The following NHSL1 variants were observed in gnomAD, a reference collection of about 807,000 sequenced individuals.
NHSL1 encodes the protein NHS like 1.
Under a neutral mutation model 95.0 loss-of-function variants are expected in NHSL1, and 48 were observed. The ratio of observed to expected loss-of-function variants is 0.51; its 90% CI spans 0.40 to 0.64. The LOEUF (loss-of-function observed/expected upper bound fraction) is 0.64. Ranked by LOEUF, NHSL1 falls within the 30% of genes least tolerant of loss-of-function variation. NHSL1 has a pLI of 0.00. For synonymous variants in NHSL1, 783 were observed against 833.9 expected, an observed-to-expected ratio of 0.94 and a Z score of 1.05; for missense variants, 1,971 against 2,077.7, an observed-to-expected ratio of 0.95 and a Z score of 1.00.
At chr6:138,454,482 T>G (rs1182484490) in intron 3 of NHSL1, among the ~76,000 whole-genome samples, 3 of 152,172 alleles carry the variant, frequency 2.0e-5, no homozygotes, top group Non-Finnish European at 4.4e-5. Context: ...GCAAAGGCTC[T>G]ACTCCCCATA....
chr6:138,500,645 T>A (rs1319481684), upstream of NHSL1, among the ~76,000 whole-genome samples: 2 of 151,936 alleles, frequency 1.3e-5, no homozygotes, highest in African/African-American at 2.4e-5. Flanking sequence ...AGAATAAAAT[T>A]TATATAAGGG....
chr6:138,464,015 G>T (rs1778173891), intron 3 of NHSL1: 2 of 330,980 alleles, frequency 6.0e-6, no homozygotes, highest in South Asian at 9.3e-5. Context: ...TTAGAACAAT[G>T]CTTGGCATAT....
chr6:138,636,465 G>T (rs1445429907), intron 1 of NHSL1, among the ~76,000 whole-genome samples: 1 of 152,156 alleles, frequency 6.6e-6, no homozygotes, highest in Non-Finnish European at 1.5e-5. Context: ...TGGAAAGGAA[G>T]AAGTCAAATT....
At chr6:138,552,291 C>T (rs1370451712) in intron 1 of NHSL1, among the ~76,000 whole-genome samples, 4 of 151,990 alleles carry the variant, frequency 2.6e-5, no homozygotes, top group African/African-American at 4.8e-5. Flanking sequence ...TAGTGGTGCA[C>T]GCCTCTAAGT....
intron 5 of NHSL1, among the ~76,000 whole-genome samples, chr6:138,437,341 T>TACAC (rs1554222002): frequency 4.0e-5 from 1 of 24,710 alleles, no homozygotes; most frequent in African/African-American, 1.6e-4. Context: ...TATATATATA[T>TACAC]ACACATATAT....
chr6:138,533,450 A>T (rs1660531403), intron 1 of NHSL1, among the ~76,000 whole-genome samples: 1 of 152,132 alleles, frequency 6.6e-6, no homozygotes, highest in Non-Finnish European at 1.5e-5. Flanking sequence ...CGGGAGGCTG[A>T]GGCAGGGTAA....
chr6:138,454,642 GTATACTTTAA>G lies in NHSL1; in HGVS notation c.340-7459_340-7450del, dbSNP rs558134107. Among the ~76,000 whole-genome samples the G allele has an allele frequency of 1.8e-3, 269 of 152,228 alleles. 3 individuals are homozygous for G. The highest frequency in any genetic ancestry group is 4.9e-3 in the Admixed American group (75 of 15,296). On this transcript the variant is annotated intron_variant, in intron 3 of 7. Transcript: ENST00000343505. ...TACATATGTCAAAATTTATTAAGTT[GTATACTTTAA>G]ATATGTATAGATTATTTTATGTAAG...
rs983633936 is a variant in NHSL1, at chr6:138,540,064, T to C, written c.16+5559A>G. 3.9e-5 allele frequency among the ~76,000 whole-genome samples: 6 copies of C among 152,234 alleles called. No individual in the cohort carries two copies. The East Asian group carries it at 9.6e-4, about 24-fold the overall frequency. ...TTTCCCCACCAGTTTGAAAAATGCA[T>C]GTTATTACCACTGTGTTTATTAAAA... is the stretch of plus-strand genomic sequence containing the variant. On this transcript the variant is annotated intron_variant, in intron 1 of 4. Transcript: ENST00000342260.
chr6:138,456,670 G>T (rs373133090), intron 3 of NHSL1, among the ~76,000 whole-genome samples: 1 of 152,094 alleles, frequency 6.6e-6, no homozygotes, highest in Non-Finnish European at 1.5e-5. Context: ...TATAACTTCC[G>T]ATAATGGCAG....
chr6:138,557,393 A>G (rs1783232243), intron 1 of NHSL1, among the ~76,000 whole-genome samples: 1 of 152,128 alleles, frequency 6.6e-6, no homozygotes, highest in Non-Finnish European at 1.5e-5. Flanking sequence ...GTTGCAATAC[A>G]CTGGGTTACC....
chr6:138,520,293 T>G (rs1781624717), intron 1 of NHSL1, among the ~76,000 whole-genome samples: 1 of 135,744 alleles, frequency 7.4e-6, no homozygotes, highest in Non-Finnish European at 1.6e-5. Context: ...TTTTTTTTTT[T>G]TTTTTTTTTT....
intron 1 of NHSL1, among the ~76,000 whole-genome samples, chr6:138,582,596 C>T (rs755647106): frequency 7.9e-5 from 12 of 152,138 alleles, no homozygotes; most frequent in South Asian, 2.1e-4. Context: ...GCTGAGCATC[C>T]GCCCAACCCC....
intron 1 of NHSL1, among the ~76,000 whole-genome samples, chr6:138,657,795 A>G (rs1785175747): frequency 7.0e-6 from 1 of 143,652 alleles, no homozygotes; most frequent in African/African-American, 2.6e-5. Context: ...AGCCTGGGCG[A>G]CAGAGCGAGA....
At chr6:138,526,676 C>T (rs916578265) in intron 1 of NHSL1, among the ~76,000 whole-genome samples, 3 of 152,012 alleles carry the variant, frequency 2.0e-5, no homozygotes, top group Admixed American at 6.6e-5. Flanking sequence ...TACTTTACCT[C>T]GAGTTGCGTG....
intron 3 of NHSL1, chr6:138,464,096 G>A (rs1055167514): frequency 1.5e-5 from 7 of 474,630 alleles, no homozygotes; most frequent in African/African-American, 4.0e-5. Flanking sequence ...CGCGCACGAG[G>A]TCAGGTGTTC....
chr6:138,653,230 T>C (rs1228315156), intron 1 of NHSL1, among the ~76,000 whole-genome samples: 1 of 152,170 alleles, frequency 6.6e-6, no homozygotes, highest in African/African-American at 2.4e-5. Context: ...CTAGGTGACA[T>C]GTATTTCTAA....
intron 1 of NHSL1, among the ~76,000 whole-genome samples, chr6:138,519,299 A>G (rs965540855): frequency 3.3e-5 from 5 of 152,130 alleles, no homozygotes; most frequent in Non-Finnish European, 7.4e-5. Context: ...CTGCTCTGTC[A>G]CCCAATTTTC....
chr6:138,608,871 G>T (rs1278675618), intron 1 of NHSL1, among the ~76,000 whole-genome samples: 1 of 152,120 alleles, frequency 6.6e-6, no homozygotes, highest in Non-Finnish European at 1.5e-5. Flanking sequence ...TTAAACACAG[G>T]AAAGACATTT....
rs142135424 is a variant in NHSL1, at chr6:138,524,838, T to C, written c.16+20785A>G. On this transcript the variant is annotated intron_variant, in intron 1 of 4. Coordinates refer to the NHSL1 transcript ENST00000342260. ...TAGCAAATGGGCACACAAAAAAATA[T>C]TGAAGGATCTCATAAAACGTTACCA... Among the ~76,000 whole-genome samples, 404 of 152,298 alleles carry C rather than the reference T, an allele frequency of 2.7e-3. 2 individuals are homozygous for C. Among genetic ancestry groups the C allele is most frequent in the Middle Eastern group, 0.01 (3 of 294 alleles).
Sources: gnomAD v4.1 joint callset for allele counts (sites outside exome capture counted in the v4.1 genomes callset) on GRCh38, gnomAD v4.1.1 for gene constraint, MANE v1.5 for transcripts, NCBI Gene and HGNC (gene_info 2026-07-23, HGNC 2026-07-21) for gene names.